Variants in CD72 observed in about 807,000 individuals in gnomAD.
The protein encoded by CD72 is CD72 molecule, also known as B-cell differentiation antigen CD72.
CD72 carries 28 observed loss-of-function variants against 50.7 expected under a neutral mutation model. The observed-to-expected ratio is 0.55, with a 90% CI of 0.41 to 0.76. The LOEUF is 0.76. CD72 is among the 30% of genes least tolerant of loss of function. CD72 has a pLI of 0.00. For synonymous variants in CD72, 176 were observed against 171.2 expected, an observed-to-expected ratio of 1.03 and a Z score of -0.22; for missense variants, 403 against 420.6, an observed-to-expected ratio of 0.96 and a Z score of 0.37.
intron 1 of CD72, among the ~76,000 whole-genome samples, chr9:35,637,056 C>T (rs556014828): frequency 6.6e-6 from 1 of 152,260 alleles, no homozygotes; most frequent in East Asian, 1.9e-4. Context: ...TTCCCCCACC[C>T]TTGTGAATGT....
chr9:35,617,984 A>G (rs750456573), intron 2 of CD72, 30 bp downstream of exon 2: 1 of 1,332,104 alleles, frequency 7.5e-7, no homozygotes, highest in South Asian at 1.2e-5. Flanking sequence ...CAGCCCCCCA[A>G]CAAACACACA....
upstream of CD72, among the ~76,000 whole-genome samples, chr9:35,623,040 G>A (rs1382637567): frequency 6.6e-6 from 1 of 152,148 alleles, no homozygotes; most frequent in Non-Finnish European, 1.5e-5. Context: ...CCAGGAGGGC[G>A]AGGCTGCTGT....
chr9:35,631,483 A>T (rs1008599033), intron 1 of CD72, among the ~76,000 whole-genome samples: 1 of 152,326 alleles, frequency 6.6e-6, no homozygotes, highest in Non-Finnish European at 1.5e-5. Flanking sequence ...ATATTTAAGC[A>T]GTTTTCCTCT....
chr9:35,624,915 A>ATT (rs1823182452), intron 1 of CD72, among the ~76,000 whole-genome samples: 1 of 152,150 alleles, frequency 6.6e-6, no homozygotes, highest in Non-Finnish European at 1.5e-5. Flanking sequence ...GAACTTAATA[A>ATT]AAGTTGTGTG....
chr9:35,633,403 C>A (rs1823264198), intron 1 of CD72, among the ~76,000 whole-genome samples: 1 of 151,592 alleles, frequency 6.6e-6, no homozygotes, highest in South Asian at 2.1e-4. Flanking sequence ...AGCTTGCTAT[C>A]TTTTTGACAG....
At chr9:35,638,784 C>T (rs909140958) in intron 1 of CD72, among the ~76,000 whole-genome samples, 4 of 151,818 alleles carry the variant, frequency 2.6e-5, no homozygotes, top group East Asian at 1.9e-4. Context: ...AGCAGTTCCC[C>T]GAGAGGACCC....
intron 2 of CD72, 142 bp from the exon 3 acceptor site, chr9:35,617,389 A>C: frequency 1.1e-6 from 1 of 918,268 alleles, no homozygotes; most frequent in Admixed American, 3.1e-5. Flanking sequence ...ACACAGTGTC[A>C]CTCTCCTGAG....
At chr9:35,628,585 G>A (rs1408813534) in intron 1 of CD72, among the ~76,000 whole-genome samples, 2 of 152,224 alleles carry the variant, frequency 1.3e-5, no homozygotes, top group East Asian at 1.9e-4. Flanking sequence ...AGGCCTCACC[G>A]CTGGCTGCAC....
chr9:35,618,030 T>C lies in CD72; in HGVS notation c.174A>G (p.Val58=). Residue 58 remains valine, a synonymous_variant, in exon 2 of 9, where the codon GTA becomes GTG. Transcript: ENST00000259633. ...TCTCCAGACCTGCTTTGTCCCCTAG[T>C]ACAGAAGAAGCCAAGCTTGAGGGCA... The part of the protein sequence containing the change: ...LGVPSSLASS[V]LGDKAAVKSE... The C allele has an allele frequency of 6.2e-7, 1 of 1,610,880 alleles. No homozygotes were observed.
chr9:35,634,556 T>C (rs1056870585), intron 1 of CD72, among the ~76,000 whole-genome samples: 1 of 152,212 alleles, frequency 6.6e-6, no homozygotes, highest in South Asian at 2.1e-4. Flanking sequence ...TTTCGCCATG[T>C]TGGCCAGGCT....
intron 1 of CD72, among the ~76,000 whole-genome samples, chr9:35,630,369 A>G (rs1407925675): frequency 1.3e-5 from 2 of 151,788 alleles, no homozygotes; most frequent in Admixed American, 1.3e-4. Flanking sequence ...TTTTCTCACT[A>G]TTTTCCCTAT....
chr9:35,631,963 A>G (rs189216705), intron 1 of CD72, among the ~76,000 whole-genome samples: 2 of 152,308 alleles, frequency 1.3e-5, no homozygotes, highest in Non-Finnish European at 2.9e-5. Flanking sequence ...GAAAAAACTC[A>G]TATCTGGTGC....
chr9:35,611,996 G>T, intron 6 of CD72, 77 bp from the exon 7 acceptor site: 1 of 816,910 alleles, frequency 1.2e-6, no homozygotes. Flanking sequence ...ACCCTAGGGA[G>T]GCCTCAGCTT....
chr9:35,645,113 C>T (rs937445416), intron 1 of CD72, among the ~76,000 whole-genome samples: 11 of 150,662 alleles, frequency 7.3e-5, no homozygotes, highest in Non-Finnish European at 1.5e-5. Flanking sequence ...GCAGAAGAAT[C>T]GCTTGAACCC....
intron 1 of CD72, among the ~76,000 whole-genome samples, chr9:35,639,732 T>C (rs979904193): frequency 1.3e-5 from 2 of 152,146 alleles, no homozygotes; most frequent in African/African-American, 4.8e-5. Context: ...TTGGCAAAAA[T>C]GATGGAAGTC....
chr9:35,617,925 T>C, intron 2 of CD72, 89 bp downstream of exon 2: 1 of 830,794 alleles, frequency 1.2e-6, no homozygotes, highest in Non-Finnish European at 2.1e-6. Context: ...AACAAGACCC[T>C]GTCTCAAGAA....
At chr9:35,622,625 A>G (rs1823154641), upstream of CD72, among the ~76,000 whole-genome samples, 1 of 152,118 alleles carries the variant, frequency 6.6e-6, no homozygotes, top group Non-Finnish European at 1.5e-5. Flanking sequence ...CGTCTCTACT[A>G]ATAATACAAA....
intron 7 of CD72, 34 bp from the exon 8 acceptor site, chr9:35,610,787 C>G (rs1822968722): frequency 6.3e-7 from 1 of 1,574,918 alleles, no homozygotes; most frequent in South Asian, 1.1e-5. Context: ...GGGATATGCT[C>G]TGGACATATC....
chr9:35,611,650 T>C (rs1233928887), intron 7 of CD72, among the ~76,000 whole-genome samples, 154 bp downstream of exon 7: 5 of 152,200 alleles, frequency 3.3e-5, no homozygotes, highest in Non-Finnish European at 7.3e-5. Context: ...CCTAAGAAGT[T>C]ATTAATCAAA....
Sources: gnomAD v4.1 joint callset for allele counts (sites outside exome capture counted in the v4.1 genomes callset) on GRCh38, gnomAD v4.1.1 for gene constraint, MANE v1.5 for transcripts, NCBI Gene and HGNC (gene_info 2026-07-23, HGNC 2026-07-21) for gene names.